Variants in CSTF3 observed in about 807,000 individuals in gnomAD.
The protein encoded by CSTF3 is cleavage stimulation factor subunit 3, also known as CF-1 77 kDa subunit.
CSTF3 carries 29 observed loss-of-function variants against 105.8 expected under a neutral mutation model. The ratio of observed to expected loss-of-function variants is 0.27; its 90% CI spans 0.20 to 0.37. The LOEUF is 0.37. Ranked by LOEUF, CSTF3 falls within the 10% of genes least tolerant of loss-of-function variation. The pLI, the probability that CSTF3 is intolerant of heterozygous loss-of-function variation, is 1.00. For synonymous variants in CSTF3, 252 were observed against 281.9 expected, an observed-to-expected ratio of 0.89 and a Z score of 1.06; for missense variants, 357 against 879.3, an observed-to-expected ratio of 0.41 and a Z score of 7.51.
At chr11:33,136,386 CAACT>C (rs1216077325) in intron 3 of CSTF3, among the ~76,000 whole-genome samples, 1 of 151,878 alleles carries the variant, frequency 6.6e-6, no homozygotes, top group Non-Finnish European at 1.5e-5. Flanking sequence ...TAATAAGTTA[CAACT>C]AATAAATGCA....
intron 3 of CSTF3, among the ~76,000 whole-genome samples, chr11:33,121,255 G>A (rs1280490474): frequency 6.6e-6 from 1 of 151,964 alleles, no homozygotes; most frequent in Non-Finnish European, 1.5e-5. Flanking sequence ...ATTTAGACGT[G>A]AATTTCTTTT....
chr11:33,114,109 TA>T, intron 3 of CSTF3, among the ~76,000 whole-genome samples: 2 of 152,294 alleles, frequency 1.3e-5, no homozygotes, highest in Middle Eastern at 6.8e-3. Context: ...ACCTATTACT[TA>T]ATAGGTTAAA....
intron 1 of CSTF3, among the ~76,000 whole-genome samples, chr11:33,154,487 CTTTCTTTTTTTTTTTT>C (rs1204411848): frequency 3.3e-5 from 1 of 30,636 alleles, no homozygotes; most frequent in East Asian, 9.0e-4. Flanking sequence ...CTCCGTAAGA[CTTTCTTTTTTTTTTTT>C]TTTTTTTTTT....
At chr11:33,134,964 A>G (rs961660774) in intron 3 of CSTF3, among the ~76,000 whole-genome samples, 1 of 152,150 alleles carries the variant, frequency 6.6e-6, no homozygotes, top group Admixed American at 6.6e-5. Flanking sequence ...AAAAATAAAT[A>G]CCAAGATGTG....
chr11:33,128,205 T>C (rs1365508843), intron 3 of CSTF3, among the ~76,000 whole-genome samples: 1 of 152,156 alleles, frequency 6.6e-6, no homozygotes, highest in Non-Finnish European at 1.5e-5. Flanking sequence ...TTTTTTATCT[T>C]AGGAAATGTT....
chr11:33,085,002 G>GT lies in CSTF3; in HGVS notation c.*84dup. On this transcript the variant is annotated 3_prime_UTR_variant, in exon 21 of 21. Transcript: ENST00000323959. ...ATACAACTTTGTTTCCAAGAACCTT[G>GT]TAACAAAGCGTTGTCTCTTTTAAAC... is the stretch of plus-strand genomic sequence containing the variant. The GT allele has an allele frequency of 7.0e-7, 1 of 1,435,192 alleles. No individual in the cohort carries two copies. 88.9% of individuals were successfully genotyped at this position (1,435,192 alleles called of 1,614,324 possible).
At chr11:33,161,264 G>C (rs760023130) in intron 1 of CSTF3, 35 bp downstream of exon 1, 20 of 1,611,548 alleles carry the variant, frequency 1.2e-5, no homozygotes, top group Admixed American at 3.3e-5. Flanking sequence ...GTGGAGAAGA[G>C]GTCGCCACGA....
At chr11:33,094,465 T>G (rs188504410) in intron 15 of CSTF3, among the ~76,000 whole-genome samples, 11 of 152,202 alleles carry the variant, frequency 7.2e-5, no homozygotes, top group African/African-American at 2.4e-4. Flanking sequence ...AATAAATGTT[T>G]CATGGATGGA....
chr11:33,130,461 ACT>A (rs1855587387), intron 3 of CSTF3, among the ~76,000 whole-genome samples: 2 of 152,120 alleles, frequency 1.3e-5, no homozygotes, highest in South Asian at 2.1e-4. Flanking sequence ...CAAGAGTGAG[ACT>A]CTGTCTCAAA....
intron 1 of CSTF3, among the ~76,000 whole-genome samples, chr11:33,151,050 C>T (rs1855853487): frequency 6.6e-6 from 1 of 152,010 alleles, no homozygotes; most frequent in Non-Finnish European, 1.5e-5. Flanking sequence ...CATTTTATCA[C>T]CCCAAAGAGA....
chr11:33,094,803 T>C (rs1855201554), intron 15 of CSTF3, among the ~76,000 whole-genome samples: 1 of 152,052 alleles, frequency 6.6e-6, no homozygotes, highest in African/African-American at 2.4e-5. Flanking sequence ...ACCTATGATA[T>C]CTAATTCTAT....
intron 15 of CSTF3, among the ~76,000 whole-genome samples, chr11:33,094,571 A>G (rs1013813970): frequency 6.6e-6 from 1 of 152,174 alleles, no homozygotes; most frequent in Non-Finnish European, 1.5e-5. Flanking sequence ...AAATAAAAAT[A>G]CATATACTAG....
chr11:33,087,954 TC>T (rs1346129960), intron 17 of CSTF3, among the ~76,000 whole-genome samples: 5 of 152,216 alleles, frequency 3.3e-5, no homozygotes, highest in African/African-American at 1.2e-4. Context: ...GAGGAGCTCC[TC>T]TGCTCCAGAC....
chr11:33,102,216 G>C lies in CSTF3; in HGVS notation c.787C>G (p.Pro263Ala), dbSNP rs1048998468. The change falls in exon 10 of 21, where the codon CCT becomes GCT. Residue 263 changes from proline (P) to alanine (A), a missense_variant. Around this residue, in one of 4 missense-constraint regions of CSTF3, gnomAD observed 206 missense variants for 576.5 expected, o/e 0.36. Coordinates refer to ENST00000323959, the MANE Select transcript of CSTF3 (RefSeq NM_001326.3). ...AGGGTCTGATCCTCTGTACGAAGAGGGTTGCTCTTTTCCCACTGTATATAT... is the reference window on the plus strand; with the variant it reads ...AGGGTCTGATCCTCTGTACGAAGAGCGTTGCTCTTTTCCCACTGTATATAT... ...KKYIQWEKSN[P>A]LRTEDQTLIT... is the part of the protein sequence containing the mutation. The C allele has an allele frequency of 6.2e-7, 1 of 1,613,806 alleles. No homozygotes were observed. The highest frequency in any genetic ancestry group is 8.5e-7 in the Non-Finnish European group (1 of 1,179,876).
chr11:33,161,422 C>G lies in CSTF3; in HGVS notation c.-97G>C, dbSNP rs538932970. 5 of 1,373,060 alleles carry G rather than the reference C, an allele frequency of 3.6e-6. No individual in the cohort carries two copies. The highest frequency in any genetic ancestry group is 4.6e-5 in the East Asian group (2 of 43,214). 85.1% of individuals were successfully genotyped at this position (1,373,060 alleles called of 1,614,324 possible). ...CACCCCCAAATCAGTAAAGTTACCCCCTGCCCAGCTGAGCCAGACCGCCAA... is the reference window on the plus strand; with the variant it reads ...CACCCCCAAATCAGTAAAGTTACCCGCTGCCCAGCTGAGCCAGACCGCCAA... On this transcript the variant is annotated 5_prime_UTR_variant, in exon 1 of 21. Coordinates refer to ENST00000323959, the MANE Select transcript of CSTF3 (RefSeq NM_001326.3).
chr11:33,107,752 C>A (rs1855341103), intron 5 of CSTF3, 151 bp downstream of exon 5: 1 of 515,872 alleles, frequency 1.9e-6, no homozygotes, highest in Admixed American at 3.9e-5. Flanking sequence ...CTCTGAAGCA[C>A]TTTTTTCAAG....
At chr11:33,155,056 TA>T (rs1001320127) in intron 1 of CSTF3, among the ~76,000 whole-genome samples, 45 of 144,626 alleles carry the variant, frequency 3.1e-4, no homozygotes, top group East Asian at 1.2e-3. Flanking sequence ...CTCAAAAACT[TA>T]AAAAAAAAAA....
At chr11:33,085,643 A>ATAAT (rs1382257184) in intron 20 of CSTF3, 70 bp downstream of exon 20, 1 of 1,359,366 alleles carries the variant, frequency 7.4e-7, no homozygotes, top group East Asian at 2.3e-5. Context: ...GTGGCAGAGA[A>ATAAT]TAATAATCTC....
At chr11:33,148,864 T>TG (rs1307472573) in intron 1 of CSTF3, among the ~76,000 whole-genome samples, 7 of 150,836 alleles carry the variant, frequency 4.6e-5, no homozygotes, top group South Asian at 2.1e-4. Context: ...TGCTGTGTTT[T>TG]TTTTTTTTTT....
Sources: allele counts gnomAD v4.1 joint callset (sites outside exome capture counted in the v4.1 genomes callset), GRCh38; gene constraint gnomAD v4.1.1; regional missense constraint gnomAD v4.1.1; transcripts MANE v1.5; gene names NCBI Gene and HGNC (gene_info 2026-07-23, HGNC 2026-07-21).